STMN3: variants seen among roughly 807,000 people sequenced by gnomAD.
STMN3 encodes stathmin-3.
A neutral mutation model predicts 23.2 loss-of-function variants in STMN3; 24 were observed. The ratio of observed to expected loss-of-function variants is 1.03; its 90% CI spans 0.75 to 1.45. The LOEUF (loss-of-function observed/expected upper bound fraction) is 1.45. STMN3 is among the 40% of genes most tolerant of loss of function. The pLI is 0.00. For synonymous variants in STMN3, 117 were observed against 103.4 expected, an observed-to-expected ratio of 1.13 and a Z score of -0.80; for missense variants, 235 against 237.6, an observed-to-expected ratio of 0.99 and a Z score of 0.07.
At chr20:63,647,956 A>ATGTGTGTGTGTGTG (rs1569070254) in intron 1 of STMN3, among the ~76,000 whole-genome samples, 1 of 50,954 alleles carries the variant, frequency 2.0e-5, no homozygotes, top group African/African-American at 1.1e-4. Flanking sequence ...GTGTATATAT[A>ATGTGTGTGTGTGTG]TATGTATATA....
chr20:63,645,997 G>GAAA, intron 1 of STMN3, among the ~76,000 whole-genome samples: 1 of 151,974 alleles, frequency 6.6e-6, no homozygotes, highest in Non-Finnish European at 1.5e-5. Context: ...AAGGAGGGAG[G>GAAA]GAGGGAGGAA....
rs1240266151 is a variant in STMN3 at position 63,643,938 on chromosome 20, G to A, written c.116-7C>T. 1 of 1,593,900 alleles carries A rather than the reference G, an allele frequency of 6.3e-7. No individual in the cohort carries two copies. The highest frequency in any genetic ancestry group is 1.1e-5 in the South Asian group (1 of 88,180). On this transcript the variant is annotated splice_region_variant and splice_polypyrimidine_tract_variant and intron_variant, in intron 2 of 4. Transcript: ENST00000370053. ...AGCTGCTTCACCTCCATGTCTGCAG[G>A]GCAAGACCAGAGTAGAGCTTCAGAG... is the stretch of plus-strand genomic sequence containing the variant.
At chr20:63,647,685 A>G (rs2089820685) in intron 1 of STMN3, among the ~76,000 whole-genome samples, 1 of 92,746 alleles carries the variant, frequency 1.1e-5, no homozygotes. Context: ...GTATATATAC[A>G]CGTGTATATA....
intron 2 of STMN3, 92 bp from the exon 3 acceptor site, chr20:63,644,023 G>A: frequency 6.5e-7 from 1 of 1,528,088 alleles, no homozygotes; most frequent in African/African-American, 1.4e-5. Flanking sequence ...CCAACCCCAG[G>A]GCTGGGCGAG....
chr20:63,644,410 C>T, intron 1 of STMN3, 101 bp from the exon 2 acceptor site: 1 of 863,086 alleles, frequency 1.2e-6, no homozygotes. Flanking sequence ...CTCTGTGAGA[C>T]ACGGAGCTGC....
Position 63,644,012 on chromosome 20 carries a change from T to A in STMN3, c.116-81A>T, listed in dbSNP as rs992838990. 5 of 1,550,982 alleles carry A rather than the reference T, an allele frequency of 3.2e-6. No homozygotes were observed. In the African/African-American group the frequency reaches 6.9e-5, roughly 21 times the overall value. ...CTGAGCGGGATGCTCCCAGCACACA[T>A]CCAACCCCAGGGCTGGGCGAGAGGG... On this transcript the variant is annotated intron_variant, in intron 2 of 4. Coordinates refer to ENST00000370053, the MANE Select transcript of STMN3 (RefSeq NM_015894.4).
rs1169288079 is a variant in STMN3, at chr20:63,640,070, G to C, written c.*1268C>G. The C allele has an allele frequency of 6.5e-6, 1 of 153,016 alleles. No homozygotes were observed. The highest frequency in any genetic ancestry group is 2.4e-5 in the African/African-American group (1 of 41,448). 9.5% of individuals were successfully genotyped at this position (153,016 alleles called of 1,614,324 possible). A position where few individuals can be genotyped will look rare whatever the true frequency, so the allele number is the denominator to read the frequency against. ...AGTGCCCGGCCAAGGCCTCCCGCAG[G>C]ATGGAAGTTGAGGGCCCTGGCTCTG... On this transcript the variant is annotated 3_prime_UTR_variant, in exon 5 of 5. Transcript: ENST00000370053.
intron 1 of STMN3, 88 bp downstream of exon 1, chr20:63,653,239 C>A: frequency 6.7e-7 from 1 of 1,484,456 alleles, no homozygotes; most frequent in South Asian, 1.2e-5. Context: ...AAATTGGCGT[C>A]CGCTGCCGGC....
Position 63,640,844 on chromosome 20 carries a change from C to T in STMN3, c.*494G>A. On this transcript the variant is annotated 3_prime_UTR_variant, in exon 5 of 5. Coordinates refer to ENST00000370053, the MANE Select transcript of STMN3 (RefSeq NM_015894.4). ...GCCAGTTCAACAAGCACCGGCTGCA[C>T]ACGCAGGCTCCCAGGCACCATCACC... 1 of 223,500 alleles carries T rather than the reference C, an allele frequency of 4.5e-6. No individual in the cohort carries two copies. Among genetic ancestry groups the T allele is most frequent in the South Asian group, 4.9e-5 (1 of 20,290 alleles). The allele number at this position is 223,500 out of a possible 1,614,324, so 13.8% of individuals were successfully genotyped here.
intron 1 of STMN3, among the ~76,000 whole-genome samples, chr20:63,645,682 G>A (rs2089803603): frequency 6.6e-6 from 1 of 152,196 alleles, no homozygotes. Flanking sequence ...TGGGTGCAGT[G>A]GCTCATTTAA....
chr20:63,648,381 T>C (rs1260505557), intron 1 of STMN3, among the ~76,000 whole-genome samples: 3 of 152,002 alleles, frequency 2.0e-5, no homozygotes, highest in Admixed American at 2.0e-4. Context: ...AGCAACCAGC[T>C]CCCTATCAGC....
intron 1 of STMN3, among the ~76,000 whole-genome samples, chr20:63,644,811 G>T (rs966169261): frequency 2.0e-5 from 3 of 152,194 alleles, no homozygotes; most frequent in Non-Finnish European, 4.4e-5. Flanking sequence ...ACAGCCAGAA[G>T]ACGCCACCCG....
intron 1 of STMN3, among the ~76,000 whole-genome samples, chr20:63,647,993 CAG>C (rs1555897562): frequency 1.3e-4 from 11 of 87,088 alleles, no homozygotes; most frequent in East Asian, 4.6e-4. Context: ...TATATATATA[CAG>C]AGAGAGAGAG....
chr20:63,647,142 T>C (rs1288136897), intron 1 of STMN3, among the ~76,000 whole-genome samples: 2 of 151,648 alleles, frequency 1.3e-5, no homozygotes, highest in Admixed American at 6.6e-5. Flanking sequence ...ACCCTGTCTC[T>C]ACTACAAATA....
At chr20:63,642,358 C>T in intron 3 of STMN3, 59 bp from the exon 4 acceptor site, 2 of 1,258,576 alleles carry the variant, frequency 1.6e-6, no homozygotes, top group Non-Finnish European at 2.0e-6. Context: ...CGGCCGGACT[C>T]CTCCCTGCTC....
At chr20:63,641,804 TC>T (rs2089764963) in intron 4 of STMN3, among the ~76,000 whole-genome samples, 1 of 76,420 alleles carries the variant, frequency 1.3e-5, no homozygotes, top group African/African-American at 5.3e-5. Flanking sequence ...CGCCTCGGAG[TC>T]CCCGGCCCCG....
intron 4 of STMN3, 143 bp from the exon 5 acceptor site, chr20:63,641,540 G>A: frequency 3.1e-6 from 2 of 644,158 alleles, no homozygotes; most frequent in Middle Eastern, 4.2e-4. Context: ...ACTGAGTTGA[G>A]GGGGCGGGAG....
Position 63,653,296 on chromosome 20 carries a change from GC to G in STMN3, c.19+30del, listed in dbSNP as rs758876006. 6 of 1,544,040 alleles carry G rather than the reference GC, an allele frequency of 3.9e-6. No individual in the cohort carries two copies. The South Asian group carries it at 7.2e-5, about 18-fold the overall frequency. On this transcript the variant is annotated intron_variant, in intron 1 of 4. Transcript: ENST00000370053. The stretch of plus-strand genomic sequence containing the variant: ...ACGAGGCCTCTGCTCAGATCCCGCC[GC>G]CCCACAAAGCCCGTGGCCCCGGAGC...
At chr20:63,650,123 T>C (rs6010990) in intron 1 of STMN3, among the ~76,000 whole-genome samples, 85,238 of 128,488 alleles carry the variant, frequency 0.66, 24,862 homozygotes, top group African/African-American at 0.72. Flanking sequence ...CCCCCGCGCC[T>C]GGCCCCCCGC....
Sources: allele counts gnomAD v4.1 joint callset (sites outside exome capture counted in the v4.1 genomes callset), GRCh38; gene constraint gnomAD v4.1.1; transcripts MANE v1.5; gene names NCBI Gene and HGNC (gene_info 2026-07-23, HGNC 2026-07-21).